The following LINGO2 variants were observed in gnomAD, a reference collection of about 807,000 sequenced individuals.
LINGO2 encodes the protein leucine rich repeat and Ig domain containing 2.
A neutral mutation model predicts 30.6 loss-of-function variants in LINGO2; 14 were observed. The ratio of observed to expected loss-of-function variants is 0.46; its 90% CI spans 0.30 to 0.72. LINGO2 has a LOEUF of 0.72. Among genes scored for constraint, LINGO2 ranks in the 30% least tolerant of loss-of-function variants. The pLI, the probability that LINGO2 is intolerant of heterozygous loss-of-function variation, is 0.07. For missense variants in LINGO2, 729 were observed against 751.7 expected, an observed-to-expected ratio of 0.97 and a Z score of 0.35; for synonymous variants, 317 against 288.5, an observed-to-expected ratio of 1.10 and a Z score of -1.00.
At chr9:28,885,525 A>ATATG in the LINGO2 span, among the ~76,000 whole-genome samples, 1 of 151,234 alleles carries the variant, frequency 6.6e-6, no homozygotes, top group South Asian at 2.1e-4. Context: ...TACATATGAC[A>ATATG]ACATATAAAC....
chr9:28,561,739 G>C (rs1280037782), intron 1 of LINGO2, among the ~76,000 whole-genome samples: 1 of 41,496 alleles, frequency 2.4e-5, no homozygotes, highest in African/African-American at 1.1e-4. Context: ...ATAATTTTGT[G>C]TGTGTGTGTG....
At chr9:29,211,423 G>A in the LINGO2 span, among the ~76,000 whole-genome samples, 1 of 152,216 alleles carries the variant, frequency 6.6e-6, no homozygotes, top group African/African-American at 2.4e-5. Context: ...TGTGAAATGT[G>A]AAGTGAATCT....
chr9:28,418,373 T>C (rs34344905), intron 2 of LINGO2, among the ~76,000 whole-genome samples: 45,232 of 147,922 alleles, frequency 0.31, 7,788 homozygotes, highest in Admixed American at 0.38. Context: ...CTGTCTCCCA[T>C]GTTCAAGACA....
rs947474166 is a variant in LINGO2 at position 28,341,947 on chromosome 9, T to C, written c.-246+30889A>G. ...CATTTACCACCTTCTTTTTATCCTATAGGGGAGAGTTAGGAAGATTCATGA... is the reference window on the plus strand; with the variant it reads ...CATTTACCACCTTCTTTTTATCCTACAGGGGAGAGTTAGGAAGATTCATGA... On this transcript the variant is annotated intron_variant, in intron 3 of 5. Transcript: ENST00000379992. Among the ~76,000 whole-genome samples the C allele has an allele frequency of 2.6e-5, 4 of 152,218 alleles. No individual in the cohort carries two copies. The East Asian group carries it at 7.8e-4, about 29-fold the overall frequency.
intron 5 of LINGO2, among the ~76,000 whole-genome samples, chr9:27,999,536 A>G (rs1821843337): frequency 6.6e-6 from 1 of 152,054 alleles, no homozygotes; most frequent in Non-Finnish European, 1.5e-5. Context: ...CCTTATATAT[A>G]AAGGATACTC....
intron 3 of LINGO2, among the ~76,000 whole-genome samples, chr9:28,371,717 G>C (rs1211307850): frequency 6.6e-6 from 1 of 152,176 alleles, no homozygotes; most frequent in South Asian, 2.1e-4. Context: ...GGCCAGATTA[G>C]GATTTCTTTG....
intron 1 of LINGO2, among the ~76,000 whole-genome samples, chr9:28,548,908 G>A (rs1822111042): frequency 6.6e-6 from 1 of 151,480 alleles, no homozygotes; most frequent in Non-Finnish European, 1.5e-5. Context: ...TATTTATTTT[G>A]TATAAATTGG....
Position 28,179,324 on chromosome 9 carries a change from A to G in LINGO2, c.-87+115884T>C, listed in dbSNP as rs905163334. 1.9e-4 allele frequency among the ~76,000 whole-genome samples: 17 copies of G among 87,990 alleles called. No homozygotes were observed. In the East Asian group the frequency reaches 7.5e-3, roughly 39 times the overall value. 57.7% of individuals were successfully genotyped at this position (87,990 alleles called of 152,430 possible). On this transcript the variant is annotated intron_variant, in intron 4 of 5. Coordinates refer to ENST00000379992, the Ensembl canonical transcript of LINGO2. Reference sequence around the variant, plus strand: ...TATTTTATACTATATATACTATACTATATGTATATATATACTATACTTTAT... The same window carrying G: ...TATTTTATACTATATATACTATACTGTATGTATATATATACTATACTTTAT...
chr9:28,709,397 G>T, the LINGO2 span, among the ~76,000 whole-genome samples: 1 of 151,972 alleles, frequency 6.6e-6, no homozygotes, highest in Non-Finnish European at 1.5e-5. Context: ...ATAGTGTTTT[G>T]AGTAAGAATG....
At chr9:28,537,778 G>C (rs973441626) in intron 1 of LINGO2, among the ~76,000 whole-genome samples, 7 of 151,548 alleles carry the variant, frequency 4.6e-5, no homozygotes, top group African/African-American at 1.7e-4. Flanking sequence ...TAGGGGAAAA[G>C]AGGCAATATT....
In LINGO2 at chr9:28,478,660, G is replaced by A. The variant is rs557524610; in HGVS notation, c.-364-2635C>T. Among the ~76,000 whole-genome samples the A allele has an allele frequency of 6.8e-4, 104 of 152,080 alleles. 1 individual carries two copies. The highest frequency in any genetic ancestry group is 2.4e-3 in the African/African-American group (99 of 41,522). On this transcript the variant is annotated intron_variant, in intron 1 of 5. Coordinates refer to ENST00000379992, the Ensembl canonical transcript of LINGO2. ...TATTATAACAATAAGTTTTTTAAAC[G>A]TACATTTTCCTCTTCAGACAAATGC...
At chr9:29,165,074 G>A in the LINGO2 span, among the ~76,000 whole-genome samples, 1 of 151,814 alleles carries the variant, frequency 6.6e-6, no homozygotes, top group Non-Finnish European at 1.5e-5. Context: ...AAAATAAAAC[G>A]TTTATCCCAT....
chr9:28,654,240 T>C (rs1219502956), intron 1 of LINGO2, among the ~76,000 whole-genome samples: 4 of 152,142 alleles, frequency 2.6e-5, no homozygotes, highest in Admixed American at 1.3e-4. Context: ...AAATTATCTA[T>C]GCAAAAATGC....
chr9:28,334,925 G>T (rs1318766938), intron 3 of LINGO2, among the ~76,000 whole-genome samples: 1 of 152,142 alleles, frequency 6.6e-6, no homozygotes, highest in Non-Finnish European at 1.5e-5. Context: ...AGACTTGTTA[G>T]GGGAAACCCA....
chr9:29,201,838 G>A, the LINGO2 span, among the ~76,000 whole-genome samples: 3 of 152,100 alleles, frequency 2.0e-5, no homozygotes, highest in South Asian at 4.1e-4. Flanking sequence ...GGCCAGAAAA[G>A]TGTTTTTCAC....
chr9:28,797,260 CAAAG>C, the LINGO2 span, among the ~76,000 whole-genome samples: 26 of 147,870 alleles, frequency 1.8e-4, no homozygotes, highest in African/African-American at 6.4e-4. Flanking sequence ...ACTTTATCCT[CAAAG>C]AATTCATATC....
intron 1 of LINGO2, among the ~76,000 whole-genome samples, chr9:28,532,309 T>G (rs1054804047): frequency 6.6e-6 from 1 of 152,212 alleles, no homozygotes; most frequent in African/African-American, 2.4e-5. Context: ...GAGAATATCC[T>G]GTTTTAGTCC....
At chr9:28,490,579 C>G (rs1034940969) in intron 1 of LINGO2, among the ~76,000 whole-genome samples, 24 of 152,208 alleles carry the variant, frequency 1.6e-4, no homozygotes, top group African/African-American at 5.8e-4. Context: ...TACAGATTTC[C>G]TAAAGGTAAT....
At position 28,662,440 on chromosome 9, in the gene LINGO2, C is replaced by G. The variant is rs138330623; in HGVS notation, c.-365+7760G>C. Among the ~76,000 whole-genome samples the G allele has an allele frequency of 3.3e-3, 500 of 152,268 alleles. 5 individuals carry two copies. Among genetic ancestry groups the G allele is most frequent in the African/African-American group, 0.011 (448 of 41,574 alleles). On this transcript the variant is annotated intron_variant, in intron 1 of 5. Coordinates refer to ENST00000379992, the Ensembl canonical transcript of LINGO2. ...TTTACCCACCTTTACAGTCCCACCT[C>G]CTCATGTAATCTATCAAGTGATAGG...
Sources: allele counts gnomAD v4.1 joint callset (sites outside exome capture counted in the v4.1 genomes callset), GRCh38; gene constraint gnomAD v4.1.1; transcripts MANE v1.5; gene names NCBI Gene and HGNC (gene_info 2026-07-23, HGNC 2026-07-21).